TSPAN7: variants seen among roughly 807,000 people sequenced by gnomAD.
TSPAN7 encodes tetraspanin-7.
In TSPAN7, 1 loss-of-function variant was observed where a neutral mutation model predicts 17.6. That is an observed-to-expected ratio of 0.06 (90% CI 0.02 to 0.27). TSPAN7 has a LOEUF of 0.27. Among genes scored for constraint, TSPAN7 ranks in the 10% least tolerant of loss-of-function variants. The pLI is 1.00. For missense variants in TSPAN7, 112 were observed against 201.7 expected, an observed-to-expected ratio of 0.56 and a Z score of 2.69; for synonymous variants, 78 against 79.0, an observed-to-expected ratio of 0.99 and a Z score of 0.07.
At chrX:38,644,736 T>C in intron 1 of TSPAN7, among the ~76,000 whole-genome samples, 1 of 112,420 alleles carries the variant, frequency 8.9e-6, no homozygotes, top group East Asian at 2.8e-4. Context: ...GGACTAGAGA[T>C]GATATTGATG....
At chrX:38,576,572 C>T (rs764350690) in intron 1 of TSPAN7, among the ~76,000 whole-genome samples, 1 of 111,714 alleles carries the variant, frequency 9.0e-6, no homozygotes, top group African/African-American at 3.3e-5. Context: ...TTGTAATATG[C>T]TAATTTAAAG....
chrX:38,648,330 C>T (rs182914528), intron 1 of TSPAN7, among the ~76,000 whole-genome samples: 2 of 112,187 alleles, frequency 1.8e-5, no homozygotes, highest in East Asian at 2.8e-4. Flanking sequence ...CCTCACAATA[C>T]ACTCCAATCA....
At chrX:38,623,515 G>A (rs951415547) in intron 1 of TSPAN7, among the ~76,000 whole-genome samples, 1 of 109,298 alleles carries the variant, frequency 9.1e-6, no homozygotes, top group Admixed American at 9.7e-5. Flanking sequence ...TTAATGCAGG[G>A]TGGGTTCCAG....
chrX:38,679,094 A>G (rs2069873714), intron 5 of TSPAN7, among the ~76,000 whole-genome samples: 1 of 112,189 alleles, frequency 8.9e-6, no homozygotes, highest in East Asian at 2.8e-4. Flanking sequence ...GGTTTCTCCT[A>G]CTGGTTGGAG....
intron 1 of TSPAN7, among the ~76,000 whole-genome samples, chrX:38,603,369 A>G (rs1008374249): frequency 8.9e-6 from 1 of 112,085 alleles, no homozygotes; most frequent in Non-Finnish European, 1.9e-5. Flanking sequence ...GTGGTTAAAC[A>G]TAGAGTTACC....
intron 1 of TSPAN7, among the ~76,000 whole-genome samples, chrX:38,664,833 C>T (rs1054249433): frequency 1.8e-5 from 2 of 112,064 alleles, no homozygotes; most frequent in African/African-American, 6.5e-5. Flanking sequence ...ACAGGTAAAG[C>T]TCACACTTAC....
At chrX:38,625,212 G>A (rs1407369503) in intron 1 of TSPAN7, among the ~76,000 whole-genome samples, 1 of 110,819 alleles carries the variant, frequency 9.0e-6, no homozygotes, top group East Asian at 2.8e-4. Flanking sequence ...TAAATCCTAA[G>A]ATCAGCTCAC....
chrX:38,642,754 C>G (rs1037888804), intron 1 of TSPAN7, among the ~76,000 whole-genome samples: 13 of 111,617 alleles, frequency 1.2e-4, no homozygotes, highest in Admixed American at 1.1e-3. Flanking sequence ...AAATCCTGTC[C>G]CTGGCATTTC....
At chrX:38,605,698 A>G (rs1429679692) in intron 1 of TSPAN7, among the ~76,000 whole-genome samples, 4 of 108,892 alleles carry the variant, frequency 3.7e-5, no homozygotes, top group Non-Finnish European at 3.8e-5. Context: ...GCATGGTACT[A>G]GTACCAAAAC....
chrX:38,611,654 A>G (rs1204678516), intron 1 of TSPAN7, among the ~76,000 whole-genome samples: 1 of 111,907 alleles, frequency 8.9e-6, no homozygotes, highest in Non-Finnish European at 1.9e-5. Context: ...CAGACTGTCC[A>G]CTGCTGTTAT....
At chrX:38,569,242 G>T (rs1289863918) in intron 1 of TSPAN7, among the ~76,000 whole-genome samples, 3 of 110,747 alleles carry the variant, frequency 2.7e-5, no homozygotes, top group African/African-American at 9.9e-5. Context: ...ATATCTTTAG[G>T]TCTCTTCTTT....
intron 1 of TSPAN7, among the ~76,000 whole-genome samples, chrX:38,609,007 T>C (rs944710835): frequency 9.0e-6 from 1 of 111,425 alleles, no homozygotes; most frequent in African/African-American, 3.3e-5. Context: ...CGTGCATTTT[T>C]CACATGAGTG....
chrX:38,644,853 G>A (rs747972456), intron 1 of TSPAN7, among the ~76,000 whole-genome samples: 1 of 112,077 alleles, frequency 8.9e-6, no homozygotes, highest in South Asian at 3.8e-4. Flanking sequence ...TGTCAGGCAG[G>A]TACTCGATCA....
intron 1 of TSPAN7, among the ~76,000 whole-genome samples, chrX:38,607,338 TG>T (rs1262510126): frequency 1.8e-5 from 2 of 112,020 alleles, no homozygotes; most frequent in African/African-American, 6.5e-5. Context: ...TTGCAGATCT[TG>T]AAACAGAAAA....
chrX:38,615,603 A>G (rs1396479317), intron 1 of TSPAN7, among the ~76,000 whole-genome samples: 2 of 112,233 alleles, frequency 1.8e-5, no homozygotes, highest in African/African-American at 6.5e-5. Context: ...AAACTGCATT[A>G]CTGTATTGGT....
At chrX:38,616,854 A>G (rs1036434877) in intron 1 of TSPAN7, among the ~76,000 whole-genome samples, 1 of 111,822 alleles carries the variant, frequency 8.9e-6, no homozygotes, top group Non-Finnish European at 1.9e-5. Context: ...TGCTGGTACC[A>G]TACTCAGTGT....
At chrX:38,646,127 ATAGT>A in intron 1 of TSPAN7, 1 of 479,121 alleles carries the variant, frequency 2.1e-6, no homozygotes, top group East Asian at 4.0e-5. Context: ...TAAACTAGTA[ATAGT>A]TGGTGTACTT....
chrX:38,645,746 A>G (rs1445745761), intron 1 of TSPAN7, among the ~76,000 whole-genome samples: 1 of 111,999 alleles, frequency 8.9e-6, no homozygotes, highest in African/African-American at 3.3e-5. Flanking sequence ...CTCAGGAGGC[A>G]ATTCAGAACA....
Position 38,655,663 on chromosome X carries a change from A to C in TSPAN7, c.82-10458A>C, listed in dbSNP as rs748383824. On this transcript the variant is annotated intron_variant, in intron 1 of 7. Coordinates refer to ENST00000378482, the MANE Select transcript of TSPAN7 (RefSeq NM_004615.4). ...TCTAACATTATGTCTTATTGGCTCC[A>C]GTTTCACCTGAAAGGAGGCATGAGT... Among the ~76,000 whole-genome samples, 291 of 111,120 alleles carry C rather than the reference A, an allele frequency of 2.6e-3. 2 individuals carry two copies. The highest frequency in any genetic ancestry group is 9.3e-3 in the African/African-American group (285 of 30,485).
Sources: gnomAD v4.1 joint callset for allele counts (sites outside exome capture counted in the v4.1 genomes callset) on GRCh38, gnomAD v4.1.1 for gene constraint, MANE v1.5 for transcripts, NCBI Gene and HGNC (gene_info 2026-07-23, HGNC 2026-07-21) for gene names.